TRIM27: variants seen among roughly 807,000 people sequenced by gnomAD.
The protein encoded by TRIM27 is zinc finger protein RFP.
A neutral mutation model predicts 57.6 loss-of-function variants in TRIM27; 12 were observed. The observed-to-expected ratio is 0.21, with a 90% CI of 0.13 to 0.34. The LOEUF (loss-of-function observed/expected upper bound fraction) is 0.34. TRIM27 is among the 10% of genes least tolerant of loss of function. TRIM27 has a pLI of 1.00. For synonymous variants in TRIM27, 266 were observed against 259.0 expected (o/e 1.03, Z -0.26); for missense variants, 403 against 656.8 (o/e 0.61, Z 4.22).
In TRIM27 at chr6:28,904,060, A is replaced by G; in HGVS notation, c.*10T>C. On this transcript the variant is annotated 3_prime_UTR_variant, in exon 8 of 8. Coordinates refer to ENST00000377199, the MANE Select transcript of TRIM27 (RefSeq NM_006510.5). This position sits in a 1 kb window ranked among gnomAD's most constrained non-coding sequence, Gnocchi z 6.1. ...ACAGCCAACAGCCCTTTTGGCCTGA[A>G]TTCACCTCCTCAAGGGGAGGTCTCC... is the stretch of plus-strand genomic sequence containing the variant. 6.2e-7 allele frequency: 1 copy of G among 1,608,626 alleles called. No homozygotes were observed. The highest frequency in any genetic ancestry group is 8.5e-7 in the Non-Finnish European group (1 of 1,177,194).
chr6:28,917,298 C>G (rs1773682135), intron 3 of TRIM27, among the ~76,000 whole-genome samples: 2 of 152,208 alleles, frequency 1.3e-5, no homozygotes, highest in South Asian at 4.2e-4. Context: ...ACGACAGGGG[C>G]TGGGCACGGT....
chr6:28,916,645 G>A (rs1035275857), intron 3 of TRIM27, among the ~76,000 whole-genome samples: 2 of 152,092 alleles, frequency 1.3e-5, no homozygotes, highest in Non-Finnish European at 2.9e-5. Flanking sequence ...AATCCATAGA[G>A]CCAGGAGTTA....
At chr6:28,916,729 C>G (rs1773640907) in intron 3 of TRIM27, among the ~76,000 whole-genome samples, 1 of 151,976 alleles carries the variant, frequency 6.6e-6, no homozygotes, top group Admixed American at 6.6e-5. Context: ...TGTTTTAGAT[C>G]CAGACAGTGG....
chr6:28,921,885 C>T lies in TRIM27; in HGVS notation c.516+7G>A, dbSNP rs1343752070. ...CAGAACCAACTGTGAATTCCAACAA[C>T]CCTTACCAAGAGTTCAGCTCGTGCC... is the stretch of plus-strand genomic sequence containing the variant. On this transcript the variant is annotated splice_region_variant and intron_variant, in intron 2 of 7. Coordinates refer to ENST00000377199, the MANE Select transcript of TRIM27 (RefSeq NM_006510.5). 6.2e-7 allele frequency: 1 copy of T among 1,610,352 alleles called. No homozygotes were observed. The highest frequency in any genetic ancestry group is 8.5e-7 in the Non-Finnish European group (1 of 1,177,636).
At chr6:28,914,665 G>A (rs1773475868) in intron 3 of TRIM27, 1 of 146,160 alleles carries the variant, frequency 6.8e-6, no homozygotes, top group Non-Finnish European at 1.5e-5. Flanking sequence ...ACTGAAATCC[G>A]AGACTTCACT....
chr6:28,912,591 A>T (rs1773289134), intron 3 of TRIM27, among the ~76,000 whole-genome samples: 1 of 152,094 alleles, frequency 6.6e-6, no homozygotes, highest in Non-Finnish European at 1.5e-5. Flanking sequence ...CATAGGTATC[A>T]TTCTTTTCCT....
intron 3 of TRIM27, among the ~76,000 whole-genome samples, chr6:28,912,290 A>T (rs1383889173): frequency 6.6e-6 from 1 of 152,018 alleles, no homozygotes; most frequent in African/African-American, 2.4e-5. Context: ...TTGTGTTTTT[A>T]GCACAGACAG....
chr6:28,909,391 G>C (rs983818663), intron 4 of TRIM27, among the ~76,000 whole-genome samples: 1 of 152,226 alleles, frequency 6.6e-6, no homozygotes, highest in African/African-American at 2.4e-5. Flanking sequence ...ACAGGCGTGA[G>C]CCACCACGTC....
intron 4 of TRIM27, among the ~76,000 whole-genome samples, chr6:28,910,666 A>T (rs1475191240): frequency 6.6e-6 from 1 of 152,192 alleles, no homozygotes; most frequent in Non-Finnish European, 1.5e-5. Context: ...CCTTAAGCCA[A>T]TAAAATTTTG....
At position 28,904,388 on chromosome 6, in the gene TRIM27, T is replaced by C. The variant is rs1445169549; in HGVS notation, c.1224A>G (p.Ala408=). The change falls in exon 8 of 8, where the codon GCA becomes GCG. Residue 408 remains alanine (A), a synonymous_variant. Transcript: ENST00000377199. This position sits in a 1 kb window ranked among gnomAD's most constrained non-coding sequence, Gnocchi z 6.1. ...VTSAPQNGFW[A]VSLWYGKEYW... ...ATTCTTTCCCATACCACAAAGACACTGCCCAGAATCCATTCTGGGGGGCTG... is the reference window on the plus strand; with the variant it reads ...ATTCTTTCCCATACCACAAAGACACCGCCCAGAATCCATTCTGGGGGGCTG... 1.2e-6 allele frequency: 2 copies of C among 1,612,960 alleles called. No homozygotes were observed. Among genetic ancestry groups the C allele is most frequent in the East Asian group, 2.2e-5 (1 of 44,882 alleles).
chr6:28,916,448 A>C (rs567370996), intron 3 of TRIM27, among the ~76,000 whole-genome samples: 19 of 152,056 alleles, frequency 1.2e-4, no homozygotes, highest in Non-Finnish European at 2.4e-4. Flanking sequence ...ACTACTCGGA[A>C]GGCTGAGGCA....
intron 3 of TRIM27, among the ~76,000 whole-genome samples, chr6:28,918,992 CCATT>C (rs1429463657): frequency 7.9e-5 from 12 of 151,892 alleles, no homozygotes; most frequent in Non-Finnish European, 1.5e-4. Flanking sequence ...ATGCCATCAT[CCATT>C]TTTATTTTTA....
At chr6:28,917,674 CAACT>C (rs1447167325) in intron 3 of TRIM27, among the ~76,000 whole-genome samples, 1 of 151,944 alleles carries the variant, frequency 6.6e-6, no homozygotes, top group Non-Finnish European at 1.5e-5. Flanking sequence ...TCTCGCAAAC[CAACT>C]GTCTTTCCCA....
chr6:28,910,474 C>T lies in TRIM27; in HGVS notation c.770+1222G>A, dbSNP rs139274796. Among the ~76,000 whole-genome samples, 418 of 152,250 alleles carry T rather than the reference C, an allele frequency of 2.7e-3. 2 individuals are homozygous for T. Among genetic ancestry groups the T allele is most frequent in the African/African-American group, 9.3e-3 (386 of 41,542 alleles). ...CCTCCCAAGTAGCTGGGATTACAGG[C>T]ATGCACCACCACGCCCAGCTAATTT... On this transcript the variant is annotated intron_variant, in intron 4 of 7. Transcript: ENST00000377199.
chr6:28,917,782 C>T (rs996915394), intron 3 of TRIM27, among the ~76,000 whole-genome samples: 1 of 151,842 alleles, frequency 6.6e-6, no homozygotes, highest in Non-Finnish European at 1.5e-5. Context: ...CACCTGCCTT[C>T]TCAGGAACCG....
chr6:28,913,810 AGGT>A (rs1773396958), intron 3 of TRIM27, among the ~76,000 whole-genome samples: 1 of 152,004 alleles, frequency 6.6e-6, no homozygotes, highest in Non-Finnish European at 1.5e-5. Flanking sequence ...AATACTTAAA[AGGT>A]CTTTTTATAT....
rs1396300251 is a variant in TRIM27 at position 28,923,677 on chromosome 6, G to A, written c.-45C>T. 1 of 1,480,342 alleles carries A rather than the reference G, an allele frequency of 6.8e-7. No homozygotes were observed. Among genetic ancestry groups the A allele is most frequent in the East Asian group, 2.5e-5 (1 of 40,504 alleles). 91.7% of individuals were successfully genotyped at this position (1,480,342 alleles called of 1,614,324 possible). ...GCACGGGCATGGGCCCCGGCGCCGAGCTCTGCACTGAGCCCAACTCTCCGG... is the reference window on the plus strand; with the variant it reads ...GCACGGGCATGGGCCCCGGCGCCGAACTCTGCACTGAGCCCAACTCTCCGG... On this transcript the variant is annotated 5_prime_UTR_variant, in exon 1 of 8. Transcript: ENST00000377199.
At position 28,914,137 on chromosome 6, in the gene TRIM27, CTTTT is replaced by C. The variant is rs775171584; in HGVS notation, c.748-2423_748-2420del. The stretch of plus-strand genomic sequence containing the variant: ...CTTGGGCTCTAGTGATCTATCCCAG[CTTTT>C]TTTTTTTTTTTTGAGACAGAGTCTT... On this transcript the variant is annotated intron_variant, in intron 3 of 7. Coordinates refer to ENST00000377199, the MANE Select transcript of TRIM27 (RefSeq NM_006510.5). Among the ~76,000 whole-genome samples the C allele has an allele frequency of 8.6e-4, 108 of 125,220 alleles. 1 individual carries two copies. The highest frequency in any genetic ancestry group is 4.4e-3 in the Admixed American group (53 of 12,182). 82.1% of individuals were successfully genotyped at this position (125,220 alleles called of 152,430 possible). A position where few individuals can be genotyped will look rare whatever the true frequency, so the allele number is the denominator to read the frequency against.
Position 28,907,274 on chromosome 6 carries a change from A to C in TRIM27, c.920-12T>G. ...AGCCTCTCTTAATTCTGAAAGAATA[A>C]AAGAGCAAAGTTATGGAAGTCATGA... is the stretch of plus-strand genomic sequence containing the variant. On this transcript the variant is annotated splice_polypyrimidine_tract_variant and intron_variant, in intron 6 of 7. Transcript: ENST00000377199. The C allele has an allele frequency of 6.2e-7, 1 of 1,610,616 alleles. No individual in the cohort carries two copies. The highest frequency in any genetic ancestry group is 2.2e-5 in the East Asian group (1 of 44,862).
Sources: allele counts gnomAD v4.1 joint callset (sites outside exome capture counted in the v4.1 genomes callset), GRCh38; gene constraint gnomAD v4.1.1; non-coding constraint Gnocchi (gnomAD v3.1); transcripts MANE v1.5; gene names NCBI Gene and HGNC (gene_info 2026-07-23, HGNC 2026-07-21).